KANK4: variants seen among roughly 807,000 people sequenced by gnomAD.
KANK4 encodes KN motif and ankyrin repeat domain-containing protein 4.
Under a neutral mutation model 80.8 loss-of-function variants are expected in KANK4, and 50 were observed. That is an observed-to-expected ratio of 0.62 (90% CI 0.49 to 0.78). KANK4 has a LOEUF of 0.78. Among genes scored for constraint, KANK4 ranks in the 30% least tolerant of loss-of-function variants. The pLI is 0.00. For synonymous variants in KANK4, 465 were observed against 506.9 expected (o/e 0.92, Z 1.11); for missense variants, 1,196 against 1,240.1 (o/e 0.96, Z 0.53).
intron 1 of KANK4, among the ~76,000 whole-genome samples, chr1:62,285,255 T>C (rs1672538733): frequency 6.6e-6 from 1 of 152,112 alleles, no homozygotes; most frequent in Non-Finnish European, 1.5e-5. Flanking sequence ...CATTCAAAAA[T>C]CCAGCAAAGA....
intron 7 of KANK4, among the ~76,000 whole-genome samples, chr1:62,261,104 C>T (rs534477360): frequency 6.6e-6 from 1 of 150,624 alleles, no homozygotes; most frequent in African/African-American, 2.4e-5. Flanking sequence ...CCAGGCTTGA[C>T]AGAGAGCTCC....
chr1:62,244,000 T>C (rs953345320), intron 9 of KANK4, among the ~76,000 whole-genome samples: 12 of 151,994 alleles, frequency 7.9e-5, no homozygotes, highest in Non-Finnish European at 1.6e-4. Context: ...CTATTCATAA[T>C]TAAAATAGTT....
At chr1:62,289,135 T>C (rs1389491508) in intron 1 of KANK4, among the ~76,000 whole-genome samples, 1 of 152,104 alleles carries the variant, frequency 6.6e-6, no homozygotes, top group Non-Finnish European at 1.5e-5. Context: ...TTAGTTTCTG[T>C]CTCTAGTGAT....
At chr1:62,297,292 A>T (rs11809839) in intron 1 of KANK4, among the ~76,000 whole-genome samples, 6,810 of 85,096 alleles carry the variant, frequency 0.08, 455 homozygotes, top group African/African-American at 0.34. Context: ...TAATAATAAT[A>T]ATTATTATTG....
At chr1:62,292,966 G>C (rs1473013866) in intron 1 of KANK4, among the ~76,000 whole-genome samples, 1 of 152,120 alleles carries the variant, frequency 6.6e-6, no homozygotes, top group Admixed American at 6.5e-5. Flanking sequence ...CTCCCTGACA[G>C]CAAGAATCAA....
chr1:62,275,663 G>A (rs776749092), intron 2 of KANK4, among the ~76,000 whole-genome samples: 13 of 152,132 alleles, frequency 8.5e-5, no homozygotes, highest in Non-Finnish European at 1.5e-4. Context: ...CTGCGCCTCA[G>A]GTATGCACAG....
intron 1 of KANK4, among the ~76,000 whole-genome samples, chr1:62,315,883 C>T (rs1184579675): frequency 1.3e-5 from 2 of 152,226 alleles, no homozygotes; most frequent in African/African-American, 4.8e-5. Flanking sequence ...AGCAGAGCCA[C>T]GAGTGCACAA....
chr1:62,247,863 T>A (rs1415748464), intron 8 of KANK4, among the ~76,000 whole-genome samples, 191 bp from the exon 9 acceptor site: 1 of 151,924 alleles, frequency 6.6e-6, no homozygotes, highest in East Asian at 1.9e-4. Flanking sequence ...AAATGCTACA[T>A]CCTCTCTAAA....
chr1:62,237,963 T>C lies in KANK4; in HGVS notation c.*314A>G, dbSNP rs1437860457. The C allele has an allele frequency of 3.8e-6, 1 of 261,104 alleles. No individual in the cohort carries two copies. The highest frequency in any genetic ancestry group is 7.3e-6 in the Non-Finnish European group (1 of 136,616). 16.2% of individuals were successfully genotyped at this position (261,104 alleles called of 1,614,324 possible). ...TCCTGCCTGCCTGCTTGCTACACAA[T>C]GTTACAGAGGGTAGAGTCATGAGGA... On this transcript the variant is annotated 3_prime_UTR_variant, in exon 10 of 10. Transcript: ENST00000371153.
At chr1:62,253,327 C>G in intron 7 of KANK4, 118 bp from the exon 8 acceptor site, 1 of 800,106 alleles carries the variant, frequency 1.2e-6, no homozygotes. Flanking sequence ...TAGAGCAATG[C>G]TTTCCACAGC....
intron 2 of KANK4, among the ~76,000 whole-genome samples, chr1:62,278,387 TTCTTTCTTTC>T (rs1672369818): frequency 6.1e-5 from 3 of 49,174 alleles, no homozygotes; most frequent in African/African-American, 3.2e-4. Context: ...CTTTCTTTCT[TTCTTTCTTTC>T]TTTTTTTTTT....
intron 1 of KANK4, among the ~76,000 whole-genome samples, chr1:62,289,869 CAA>C (rs1672645326): frequency 1.3e-5 from 2 of 152,136 alleles, no homozygotes; most frequent in South Asian, 4.2e-4. Flanking sequence ...GGCTCCAAGT[CAA>C]GTACTAGCTG....
intron 9 of KANK4, among the ~76,000 whole-genome samples, chr1:62,238,597 C>T (rs1671264686): frequency 6.6e-6 from 1 of 150,876 alleles, no homozygotes; most frequent in Non-Finnish European, 1.5e-5. Context: ...TCTGTGACAA[C>T]AGAAATAAAG....
At chr1:62,257,775 A>G (rs1352598448) in intron 7 of KANK4, among the ~76,000 whole-genome samples, 3 of 152,130 alleles carry the variant, frequency 2.0e-5, no homozygotes, top group African/African-American at 7.2e-5. Flanking sequence ...CTTTACCTTT[A>G]TGCTATTTAG....
At chr1:62,257,897 TTC>T (rs1485274277) in intron 7 of KANK4, among the ~76,000 whole-genome samples, 1 of 152,204 alleles carries the variant, frequency 6.6e-6, no homozygotes, top group Non-Finnish European at 1.5e-5. Flanking sequence ...TAGTTGTCTC[TTC>T]TCTGTCCTGG....
chr1:62,274,859 G>C lies in KANK4; in HGVS notation c.245C>G (p.Pro82Arg), dbSNP rs779860409. ...NFSLPDSGAR[P>R]PAAPPLQNWS... is the part of the protein sequence containing the mutation. ...GTTTTGGAGGGGCGGGGCTGCAGGG[G>C]GGCGAGCCCCACTGTCAGGAAGGCT... The change falls in exon 3 of 10, where the codon CCC becomes CGC. Residue 82 changes from proline (P) to arginine (R), a missense_variant. By Grantham distance (103) the Pro-to-Arg change is moderately radical (BLOSUM62 -2). Coordinates refer to ENST00000371153, the MANE Select transcript of KANK4 (RefSeq NM_181712.5). 6.2e-7 allele frequency: 1 copy of C among 1,614,100 alleles called. No homozygotes were observed. The highest frequency in any genetic ancestry group is 8.5e-7 in the Non-Finnish European group (1 of 1,179,960).
chr1:62,256,237 T>C (rs1418061375), intron 7 of KANK4, among the ~76,000 whole-genome samples: 1 of 152,202 alleles, frequency 6.6e-6, no homozygotes, highest in Non-Finnish European at 1.5e-5. Flanking sequence ...ATTACTATTA[T>C]TGTCCAGAAT....
rs549168893 is a variant in KANK4 at position 62,279,166 on chromosome 1, G to A, written c.16+2383C>T. 2.7e-5 allele frequency among the ~76,000 whole-genome samples: 4 copies of A among 150,194 alleles called. No homozygotes were observed. In the East Asian group the frequency reaches 8.0e-4, roughly 30 times the overall value. ...ACCAAGGATGACAGGTTTAATAGCA[G>A]GTTTAATAGGTGCTTTCCTAAGCTA... On this transcript the variant is annotated intron_variant, in intron 2 of 9. Coordinates refer to ENST00000371153, the MANE Select transcript of KANK4 (RefSeq NM_181712.5).
intron 8 of KANK4, among the ~76,000 whole-genome samples, chr1:62,252,094 T>C (rs1212029202): frequency 6.6e-6 from 1 of 151,870 alleles, no homozygotes; most frequent in Non-Finnish European, 1.5e-5. Context: ...AGTGCATGAG[T>C]TTCCTGACAC....
Sources: allele counts gnomAD v4.1 joint callset (sites outside exome capture counted in the v4.1 genomes callset), GRCh38; gene constraint gnomAD v4.1.1; transcripts MANE v1.5; gene names NCBI Gene and HGNC (gene_info 2026-07-23, HGNC 2026-07-21).